PRKAR1A: variants seen among roughly 807,000 people sequenced by gnomAD.
The protein encoded by PRKAR1A is protein kinase cAMP-dependent type I regulatory subunit alpha.
Under a neutral mutation model 52.0 loss-of-function variants are expected in PRKAR1A, and 3 were observed. The observed-to-expected ratio is 0.06, with a 90% CI of 0.03 to 0.15. PRKAR1A has a LOEUF of 0.15. Ranked by LOEUF, PRKAR1A falls within the 10% of genes least tolerant of loss-of-function variation. The probability of loss-of-function intolerance (pLI) is 1.00; values close to 1 mark genes in which losing one functional copy is unlikely to be tolerated. For synonymous variants in PRKAR1A, 188 were observed against 168.4 expected (o/e 1.12, Z -0.90); for missense variants, 240 against 477.4 (o/e 0.50, Z 4.63).
chr17:68,471,823 C>CA, the PRKAR1A span, among the ~76,000 whole-genome samples: 1 of 151,746 alleles, frequency 6.6e-6, no homozygotes, highest in African/African-American at 2.4e-5. Context: ...TTTTTTTAGA[C>CA]AGAGTCTTGC....
the PRKAR1A span, among the ~76,000 whole-genome samples, chr17:68,481,278 G>T: frequency 6.6e-6 from 1 of 152,194 alleles, no homozygotes. Context: ...AAGTGGGATG[G>T]TTTTGGGATG....
At chr17:68,486,371 ATTCT>A in the PRKAR1A span, among the ~76,000 whole-genome samples, 9 of 123,992 alleles carry the variant, frequency 7.3e-5, no homozygotes, top group Admixed American at 3.3e-4. Context: ...TCTTCCTCTT[ATTCT>A]TTCTTTCTTT....
chr17:68,468,261 A>T, the PRKAR1A span, among the ~76,000 whole-genome samples: 20 of 152,142 alleles, frequency 1.3e-4, no homozygotes, highest in Admixed American at 1.3e-3. Flanking sequence ...TCTAGGAGGT[A>T]TTTGATATCT....
the PRKAR1A span, chr17:68,434,710 G>T: frequency 7.2e-7 from 1 of 1,392,946 alleles, no homozygotes; most frequent in East Asian, 2.4e-5. Flanking sequence ...TTGTTTTATT[G>T]GTTTTGAACA....
the PRKAR1A span, among the ~76,000 whole-genome samples, chr17:68,449,349 G>A: frequency 2.0e-5 from 3 of 152,202 alleles, no homozygotes; most frequent in African/African-American, 7.2e-5. Flanking sequence ...CAGTAATTTG[G>A]CCAAGCGTGG....
upstream of PRKAR1A, among the ~76,000 whole-genome samples, chr17:68,511,596 G>A (rs2143078962): frequency 6.6e-6 from 1 of 152,336 alleles, no homozygotes; most frequent in Non-Finnish European, 1.5e-5. Flanking sequence ...CTTGGACCCT[G>A]ACAAAGTCCT....
At chr17:68,538,227 T>C (rs977047499), downstream of PRKAR1A, among the ~76,000 whole-genome samples, 3 of 152,208 alleles carry the variant, frequency 2.0e-5, no homozygotes, top group African/African-American at 7.2e-5. Context: ...GTAGGACCCA[T>C]CTTTAGGATT....
At chr17:68,466,078 G>A in the PRKAR1A span, among the ~76,000 whole-genome samples, 1 of 152,098 alleles carries the variant, frequency 6.6e-6, no homozygotes, top group African/African-American at 2.4e-5. Flanking sequence ...ACTGACTTCT[G>A]CGTGCAAATG....
At chr17:68,539,463 T>G in intron 11 of PRKAR1A, 1 of 1,407,776 alleles carries the variant, frequency 7.1e-7, no homozygotes, top group Admixed American at 1.7e-5. Context: ...AGGCTTCCTC[T>G]CTCCTCTCAG....
the PRKAR1A span, chr17:68,440,683 G>A: frequency 6.6e-6 from 1 of 152,126 alleles, no homozygotes. Context: ...TAATTGTTTG[G>A]CTGTAATTCT....
chr17:68,427,194 G>A, the PRKAR1A span: 1 of 1,614,068 alleles, frequency 6.2e-7, no homozygotes, highest in Non-Finnish European at 8.5e-7. Flanking sequence ...ATAAGACTGA[G>A]GTAAGGAAGG....
the PRKAR1A span, among the ~76,000 whole-genome samples, chr17:68,484,461 T>TTG: frequency 1.2e-3 from 179 of 151,534 alleles, no homozygotes; most frequent in Admixed American, 2.1e-3. Context: ...GTGGTATCTT[T>TTG]TTTTTTTTTT....
In PRKAR1A at chr17:68,528,937, G is replaced by C. The variant is rs1600492307; in HGVS notation, c.837G>C (p.Gly279=). ...TGGAACCAGTGCAGTTTGAAGATGGGCAGAAGATTGTGGTGCAGGGAGAAC... is the reference window on the plus strand; with the variant it reads ...TGGAACCAGTGCAGTTTGAAGATGGCCAGAAGATTGTGGTGCAGGGAGAAC... ...DALEPVQFED[G]QKIVVQGEPG... Residue 279 remains glycine, a synonymous_variant, in exon 9 of 11, where the codon GGG becomes GGC. Transcript: ENST00000589228. The C allele has an allele frequency of 8.1e-6, 13 of 1,614,032 alleles. No homozygotes were observed. The highest frequency in any genetic ancestry group is 1.0e-5 in the Non-Finnish European group (12 of 1,179,908).
chr17:68,459,837 A>G, the PRKAR1A span, among the ~76,000 whole-genome samples: 1 of 143,382 alleles, frequency 7.0e-6, no homozygotes, highest in Non-Finnish European at 1.5e-5. Flanking sequence ...CTAATCAGTT[A>G]ATTCAGGTTT....
At chr17:68,506,570 G>A in the PRKAR1A span, among the ~76,000 whole-genome samples, 3 of 151,620 alleles carry the variant, frequency 2.0e-5, no homozygotes, top group Non-Finnish European at 4.4e-5. Context: ...TGCAACCTCC[G>A]CCTCCCTGGT....
chr17:68,468,177 A>G, the PRKAR1A span, among the ~76,000 whole-genome samples: 1 of 152,186 alleles, frequency 6.6e-6, no homozygotes, highest in Non-Finnish European at 1.5e-5. Flanking sequence ...ATACAGAAAA[A>G]TAAACACTGA....
chr17:68,445,331 A>G, the PRKAR1A span, among the ~76,000 whole-genome samples: 2 of 152,194 alleles, frequency 1.3e-5, no homozygotes, highest in African/African-American at 4.8e-5. Context: ...TTTATAGCAC[A>G]GGTCTCCCTC....
At chr17:68,522,698 A>G (rs146633173) in intron 2 of PRKAR1A, 58 bp from the exon 3 acceptor site, 7 of 1,566,854 alleles carry the variant, frequency 4.5e-6, no homozygotes, top group Non-Finnish European at 6.1e-6. Flanking sequence ...TTGGAACATG[A>G]GAGTGCCAGC....
Position 68,531,240 on chromosome 17 carries a change from G to C in PRKAR1A, c.*791G>C. 2.8e-6 allele frequency: 3 copies of C among 1,066,392 alleles called. No homozygotes were observed. The highest frequency in any genetic ancestry group is 3.4e-6 in the Non-Finnish European group (3 of 879,706). The allele number at this position is 1,066,392 out of a possible 1,614,324, so 66.1% of individuals were successfully genotyped here. On this transcript the variant is annotated 3_prime_UTR_variant, in exon 11 of 11. Transcript: ENST00000589228. ...CAAATTCCGATTAGACCTTTATCCA[G>C]CTAGTGCCAAATAATTGATCAGATG...
Sources: allele counts gnomAD v4.1 joint callset (sites outside exome capture counted in the v4.1 genomes callset), GRCh38; gene constraint gnomAD v4.1.1; transcripts MANE v1.5; gene names NCBI Gene and HGNC (gene_info 2026-07-23, HGNC 2026-07-21).